RARB: variants seen among roughly 807,000 people sequenced by gnomAD.
The protein encoded by RARB is retinoic acid receptor beta, also known as HBV-activated protein.
RARB carries 17 observed loss-of-function variants against 51.9 expected under a neutral mutation model. That is an observed-to-expected ratio of 0.33 (90% confidence interval 0.22 to 0.49). The LOEUF is 0.49. Ranked by LOEUF, RARB falls within the 20% of genes least tolerant of loss-of-function variation. The probability of loss-of-function intolerance (pLI) is 0.99; values close to 1 mark genes in which losing one functional copy is unlikely to be tolerated. For missense variants in RARB, 369 were observed against 550.8 expected (o/e 0.67, Z 3.30); for synonymous variants, 215 against 195.4 (o/e 1.10, Z -0.84).
chr3:25,470,792 C>G (rs1695649790), intron 2 of RARB, among the ~76,000 whole-genome samples: 1 of 152,100 alleles, frequency 6.6e-6, no homozygotes, highest in African/African-American at 2.4e-5. Flanking sequence ...CTTTGTAGCA[C>G]TTAACACAAT....
intron 3 of RARB, among the ~76,000 whole-genome samples, chr3:25,070,072 T>C (rs1317900578): frequency 6.6e-6 from 1 of 152,220 alleles, no homozygotes; most frequent in Non-Finnish European, 1.5e-5. Context: ...CTTCCTTGGC[T>C]CTTCCTAGCT....
chr3:25,267,011 C>T (rs1040773493), intron 5 of RARB, among the ~76,000 whole-genome samples: 20 of 152,206 alleles, frequency 1.3e-4, no homozygotes, highest in Admixed American at 1.3e-3. Context: ...ACAAAGCTGC[C>T]TGTAGTTCAA....
At chr3:25,430,988 CTTTTTTTTTTT>C (rs11360533) in intron 1 of RARB, among the ~76,000 whole-genome samples, 5 of 105,206 alleles carry the variant, frequency 4.8e-5, no homozygotes, top group Non-Finnish European at 7.7e-5. Flanking sequence ...AAAACTAAAA[CTTTTTTTTTTT>C]TTTTTTTTTA....
chr3:24,916,853 G>C (rs756290074), intron 2 of RARB, among the ~76,000 whole-genome samples: 4 of 150,592 alleles, frequency 2.7e-5, no homozygotes, highest in Non-Finnish European at 4.4e-5. Flanking sequence ...CCATCAAAAG[G>C]ATAATGCATA....
At chr3:25,460,746 T>G (rs2125554798) in intron 1 of RARB, among the ~76,000 whole-genome samples, 1 of 152,216 alleles carries the variant, frequency 6.6e-6, no homozygotes, top group Non-Finnish European at 1.5e-5. Context: ...CAAAGAAAAT[T>G]TACTTTTGGT....
At chr3:24,979,582 T>C (rs542404433) in intron 2 of RARB, among the ~76,000 whole-genome samples, 49 of 151,778 alleles carry the variant, frequency 3.2e-4, no homozygotes, top group Admixed American at 2.9e-3. Flanking sequence ...TTTTGTTTTG[T>C]TTTGTTTTTT....
At chr3:25,396,633 C>T (rs563164521) in intron 5 of RARB, among the ~76,000 whole-genome samples, 76 of 152,154 alleles carry the variant, frequency 5.0e-4, no homozygotes, top group Non-Finnish European at 1.0e-3. Context: ...GCTACCAGGG[C>T]AGGTAGAGAA....
chr3:25,463,118 C>A (rs1442198173), intron 2 of RARB, among the ~76,000 whole-genome samples: 1 of 152,138 alleles, frequency 6.6e-6, no homozygotes, highest in African/African-American at 2.4e-5. Flanking sequence ...AGTGATCCTC[C>A]CACCTTGGCC....
intron 3 of RARB, among the ~76,000 whole-genome samples, chr3:25,508,688 C>A (rs1697733110): frequency 6.6e-6 from 1 of 152,074 alleles, no homozygotes; most frequent in Non-Finnish European, 1.5e-5. Flanking sequence ...TCATTTTGTT[C>A]TGTTCACCAG....
chr3:25,015,763 T>C (rs1697494958), intron 2 of RARB, among the ~76,000 whole-genome samples: 2 of 152,190 alleles, frequency 1.3e-5, no homozygotes, highest in South Asian at 2.1e-4. Flanking sequence ...TTTTAGACTA[T>C]ATGCATGTGA....
intron 5 of RARB, among the ~76,000 whole-genome samples, chr3:25,322,197 C>T (rs1274873890): frequency 9.1e-6 from 1 of 110,082 alleles, no homozygotes; most frequent in African/African-American, 3.6e-5. Context: ...AAAACATATA[C>T]TATTTAATAA....
chr3:25,229,221 T>A (rs1702122197), intron 5 of RARB, among the ~76,000 whole-genome samples: 1 of 152,156 alleles, frequency 6.6e-6, no homozygotes, highest in Non-Finnish European at 1.5e-5. Flanking sequence ...TAGTTGTCAT[T>A]GTTTCTTAGT....
intron 4 of RARB, among the ~76,000 whole-genome samples, chr3:25,138,204 T>C (rs1700059675): frequency 6.6e-6 from 1 of 152,128 alleles, no homozygotes; most frequent in African/African-American, 2.4e-5. Context: ...TGGAGACTTT[T>C]GGGGAATAGT....
chr3:24,895,341 ACT>A (rs1703457014), intron 2 of RARB, among the ~76,000 whole-genome samples: 1 of 152,090 alleles, frequency 6.6e-6, no homozygotes, highest in South Asian at 2.1e-4. Flanking sequence ...TGAATTAGTG[ACT>A]CTCAATTTTG....
intron 3 of RARB, among the ~76,000 whole-genome samples, chr3:25,097,491 T>C (rs749234547): frequency 2.0e-5 from 3 of 152,114 alleles, no homozygotes; most frequent in Non-Finnish European, 4.4e-5. Flanking sequence ...AGAAATACTT[T>C]CCAAAAGCCA....
intron 1 of RARB, among the ~76,000 whole-genome samples, chr3:25,446,661 G>A (rs1250281874): frequency 1.3e-5 from 2 of 151,780 alleles, no homozygotes; most frequent in South Asian, 4.2e-4. Context: ...AAATTAGCCG[G>A]GCGTGGTGGC....
chr3:25,024,024 T>G (rs1672138830), intron 2 of RARB, among the ~76,000 whole-genome samples: 1 of 152,162 alleles, frequency 6.6e-6, no homozygotes, highest in Non-Finnish European at 1.5e-5. Flanking sequence ...ATGAAGAAAC[T>G]GGGCTTAGAT....
chr3:25,176,339 TTCCTTCCTTCCTTCC>T (rs1559493180), intron 5 of RARB, among the ~76,000 whole-genome samples: 2,738 of 71,294 alleles, frequency 0.038, 125 homozygotes, highest in Non-Finnish European at 0.048. Context: ...CTTTCTTTCC[TTCCTTCCTTCCTTCC>T]TTCCTTCCTT....
At chr3:25,202,262 T>C (rs1701413175) in intron 5 of RARB, among the ~76,000 whole-genome samples, 1 of 152,214 alleles carries the variant, frequency 6.6e-6, no homozygotes, top group South Asian at 2.1e-4. Context: ...TTTGTATTTA[T>C]GTGGGATTGG....
Sources: allele counts gnomAD v4.1 joint callset (sites outside exome capture counted in the v4.1 genomes callset), GRCh38; gene constraint gnomAD v4.1.1; transcripts MANE v1.5; gene names NCBI Gene and HGNC (gene_info 2026-07-23, HGNC 2026-07-21).